Variants in ELL observed in about 807,000 individuals in gnomAD.
The protein encoded by ELL is elongation factor for RNA polymerase II.
Under a neutral mutation model 64.0 loss-of-function variants are expected in ELL, and 18 were observed. That is an observed-to-expected ratio of 0.28 (90% confidence interval 0.19 to 0.42). ELL has a LOEUF of 0.42. Ranked by LOEUF, ELL falls within the 10% of genes least tolerant of loss-of-function variation. The pLI, the probability that ELL is intolerant of heterozygous loss-of-function variation, is 1.00. For synonymous variants in ELL, 399 were observed against 376.2 expected, an observed-to-expected ratio of 1.06 and a Z score of -0.70; for missense variants, 797 against 870.4, an observed-to-expected ratio of 0.92 and a Z score of 1.06.
intron 3 of ELL, 52 bp downstream of exon 3, chr19:18,465,745 C>T: frequency 7.0e-7 from 1 of 1,428,800 alleles, no homozygotes; most frequent in African/African-American, 1.5e-5. Flanking sequence ...CCAGAGGTGG[C>T]AGGGTGACCT....
chr19:18,501,122 G>C lies in ELL; in HGVS notation c.135+20799C>G, dbSNP rs371050774. Among the ~76,000 whole-genome samples the C allele has an allele frequency of 9.9e-5, 15 of 152,206 alleles. No homozygotes were observed. Among genetic ancestry groups the C allele is most frequent in the African/African-American group, 3.6e-4 (15 of 41,534 alleles). ...AGAAGAACGAGCGGGCCACGACACT[G>C]TTCTCGCCAGCTATGCCTGTGGGCA... is the stretch of plus-strand genomic sequence containing the variant. On this transcript the variant is annotated intron_variant, in intron 1 of 11. Transcript: ENST00000262809. This position sits in a 1 kb window ranked among gnomAD's most constrained non-coding sequence, Gnocchi z 4.5.
At chr19:18,451,103 G>T (rs781024728) in intron 7 of ELL, 128 bp from the exon 8 acceptor site, 2 of 1,312,370 alleles carry the variant, frequency 1.5e-6, no homozygotes, top group Non-Finnish European at 2.0e-6. Context: ...GGGGGCGCCC[G>T]AGCACCAAGT....
chr19:18,493,378 A>G (rs1193229661), intron 1 of ELL, among the ~76,000 whole-genome samples: 2 of 152,226 alleles, frequency 1.3e-5, no homozygotes, highest in Non-Finnish European at 2.9e-5. Flanking sequence ...GGGCAGCATA[A>G]CAATGCATCT....
rs374331516 is a variant in ELL at position 18,519,129 on chromosome 19, G to A, written c.135+2792C>T. Reference sequence around the variant, plus strand: ...TGTAATCCCAGCACTTTGGGAGGCCGAGGTGGGCAGATCACAAAGTCAGGA... The same window carrying A: ...TGTAATCCCAGCACTTTGGGAGGCCAAGGTGGGCAGATCACAAAGTCAGGA... On this transcript the variant is annotated intron_variant, in intron 1 of 11. Coordinates refer to ENST00000262809, the MANE Select transcript of ELL (RefSeq NM_006532.4). 2.6e-4 allele frequency among the ~76,000 whole-genome samples: 39 copies of A among 151,998 alleles called. No individual in the cohort carries two copies. The East Asian group carries it at 6.6e-3, about 26-fold the overall frequency.
intron 1 of ELL, among the ~76,000 whole-genome samples, chr19:18,513,831 TGAGGCAGGAGAATGGCATGAACCTGG>T (rs1976077263): frequency 6.6e-6 from 1 of 151,882 alleles, no homozygotes; most frequent in Admixed American, 6.6e-5. Context: ...CGCAAGAGGC[TGAGGCAGGAGAATGGCATGAACCTGG>T]GAGGCAGAGG....
chr19:18,467,580 A>C (rs1040984185), intron 2 of ELL, among the ~76,000 whole-genome samples: 1 of 151,088 alleles, frequency 6.6e-6, no homozygotes, highest in African/African-American at 2.4e-5. Context: ...ATAGCCTCTG[A>C]TGATTCACCC....
At chr19:18,495,888 T>C (rs895031043) in intron 1 of ELL, among the ~76,000 whole-genome samples, 1 of 152,182 alleles carries the variant, frequency 6.6e-6, no homozygotes. Flanking sequence ...TGATCTTACC[T>C]TGGACTATGA....
chr19:18,506,339 C>T (rs574740871), intron 1 of ELL, among the ~76,000 whole-genome samples: 106 of 152,354 alleles, frequency 7.0e-4, no homozygotes, highest in Admixed American at 3.7e-3. Context: ...GAGGGACACC[C>T]GGGCTGCTTC....
Position 18,465,544 on chromosome 19 carries a change from T to C in ELL, c.337A>G (p.Ser113Gly). Residue 113 changes from serine (S) to glycine (G), a missense_variant, in exon 4 of 12, where the codon AGC (serine) becomes GGC (glycine). Ser to Gly is a moderately conservative substitution (Grantham distance 56). Coordinates refer to ENST00000262809, the MANE Select transcript of ELL (RefSeq NM_006532.4). ...HGEVHLDCLG[S>G]IQDKITVCAT... ...CACACCGTGATCTTGTCCTGTATGC[T>C]GCCCAGGCAGTCCAGGTGAACTTCC... is the stretch of plus-strand genomic sequence containing the variant. 1.2e-6 allele frequency: 2 copies of C among 1,604,694 alleles called. No homozygotes were observed. Among genetic ancestry groups the C allele is most frequent in the Non-Finnish European group, 8.5e-7 (1 of 1,172,884 alleles).
chr19:18,447,825 C>T (rs536688244), intron 8 of ELL, among the ~76,000 whole-genome samples: 1 of 151,876 alleles, frequency 6.6e-6, no homozygotes, highest in South Asian at 2.1e-4. Context: ...GCTCTGCCAC[C>T]CAGGCTGGAG....
chr19:18,516,086 C>T (rs770671170), intron 1 of ELL, among the ~76,000 whole-genome samples: 1 of 152,056 alleles, frequency 6.6e-6, no homozygotes, highest in Non-Finnish European at 1.5e-5. Flanking sequence ...AAGGGGGGTG[C>T]CCACCGGGAA....
intron 1 of ELL, among the ~76,000 whole-genome samples, chr19:18,509,354 C>A (rs1432226180): frequency 6.6e-5 from 10 of 151,994 alleles, no homozygotes; most frequent in Admixed American, 6.6e-4. Context: ...AAGGAACTTC[C>A]CAACCCAGCT....
chr19:18,455,492 GAAA>G (rs894882196), intron 6 of ELL, among the ~76,000 whole-genome samples: 6 of 118,804 alleles, frequency 5.1e-5, no homozygotes, highest in Admixed American at 8.7e-5. Flanking sequence ...TCTGTCTCAG[GAAA>G]AAAAAAAAAA....
intron 1 of ELL, among the ~76,000 whole-genome samples, chr19:18,499,747 G>T (rs1444791835): frequency 6.6e-6 from 1 of 152,160 alleles, no homozygotes; most frequent in South Asian, 2.1e-4. Context: ...GGAACAGAGG[G>T]GCACAGGGGA....
chr19:18,464,443 T>C (rs1452924434), intron 4 of ELL, among the ~76,000 whole-genome samples: 1 of 152,202 alleles, frequency 6.6e-6, no homozygotes, highest in Non-Finnish European at 1.5e-5. Flanking sequence ...GCTTGGGGCT[T>C]ACAGCCCAGG....
chr19:18,463,325 CTTTTTTTTT>C (rs34610795), intron 4 of ELL, among the ~76,000 whole-genome samples: 17 of 73,276 alleles, frequency 2.3e-4, no homozygotes, highest in African/African-American at 7.6e-4. Flanking sequence ...ACATTCACAT[CTTTTTTTTT>C]TTTTTTTTTT....
chr19:18,494,226 C>T (rs771974547), intron 1 of ELL, among the ~76,000 whole-genome samples: 3 of 140,050 alleles, frequency 2.1e-5, no homozygotes, highest in Non-Finnish European at 3.0e-5. Flanking sequence ...GACCCTGCCA[C>T]GAAAAAAATT....
At chr19:18,509,369 C>T (rs1046968684) in intron 1 of ELL, among the ~76,000 whole-genome samples, 62 of 152,142 alleles carry the variant, frequency 4.1e-4, no homozygotes, top group Admixed American at 1.2e-3. Context: ...CCAGCTTACC[C>T]TCCTCAGGCC....
At position 18,465,508 on chromosome 19, in the gene ELL, C is replaced by T. The variant is rs1343959852; in HGVS notation, c.373G>A (p.Asp125Asn). 1.2e-6 allele frequency: 2 copies of T among 1,612,962 alleles called. No homozygotes were observed. The highest frequency in any genetic ancestry group is 2.2e-5 in the East Asian group (1 of 44,840). Residue 125 changes from aspartate to asparagine, a missense_variant, in exon 4 of 12, where the codon GAC (aspartate) becomes AAC (asparagine). Coordinates refer to ENST00000262809, the MANE Select transcript of ELL (RefSeq NM_006532.4). ...QDKITVCATD[D>N]SYQKARQSMA... The stretch of plus-strand genomic sequence containing the variant: ...CTCTGCCGCGCCTTCTGGTAGGAGT[C>T]GTCGGTGGCACACACCGTGATCTTG...
Sources: gnomAD v4.1 joint callset for allele counts (sites outside exome capture counted in the v4.1 genomes callset) on GRCh38, gnomAD v4.1.1 for gene constraint, Gnocchi (gnomAD v3.1) non-coding constraint, MANE v1.5 for transcripts, NCBI Gene and HGNC (gene_info 2026-07-23, HGNC 2026-07-21) for gene names.